Variants in JAML observed in about 807,000 individuals in gnomAD.
The protein encoded by JAML is junctional adhesion molecule-like.
In JAML, 25 loss-of-function variants were observed where a neutral mutation model predicts 39.3. The observed-to-expected ratio is 0.64, with a 90% confidence interval of 0.46 to 0.89. The LOEUF (loss-of-function observed/expected upper bound fraction) is 0.89. JAML is among the 40% of genes least tolerant of loss of function. JAML has a pLI of 0.00. For missense variants in JAML, 440 were observed against 486.9 expected (o/e 0.90, Z 0.91); for synonymous variants, 162 against 179.2 (o/e 0.90, Z 0.77).
At chr11:118,205,169 G>A (rs911888296) in intron 5 of JAML, 25 of 152,212 alleles carry the variant, frequency 1.6e-4, no homozygotes, top group African/African-American at 6.0e-4. Flanking sequence ...TTGTTAGAGA[G>A]ATGACCTGGA....
At chr11:118,205,324 A>C (rs1362661292) in intron 5 of JAML, 1 of 152,746 alleles carries the variant, frequency 6.5e-6, no homozygotes, top group Admixed American at 6.5e-5. Context: ...TGGTCTAAAG[A>C]ATAAACTTGC....
intron 4 of JAML, among the ~76,000 whole-genome samples, chr11:118,209,970 T>C (rs12286021): frequency 0.26 from 39,262 of 151,998 alleles, 6,371 homozygotes; most frequent in African/African-American, 0.46. Flanking sequence ...GCTCAGGCAG[T>C]TCTGCTGCCT....
chr11:118,197,842 TCTTA>T, intron 8 of JAML, 152 bp downstream of exon 8: 1 of 671,902 alleles, frequency 1.5e-6, no homozygotes, highest in South Asian at 1.8e-5. Flanking sequence ...CCGCAGAGGC[TCTTA>T]CTTTAGTGAC....
Position 118,198,039 on chromosome 11 carries a change from T to A in JAML, c.964A>T (p.Ile322Leu), listed in dbSNP as rs774695599. 1 of 1,614,232 alleles carries A rather than the reference T, an allele frequency of 6.2e-7. No homozygotes were observed. Among genetic ancestry groups the A allele is most frequent in the Non-Finnish European group, 8.5e-7 (1 of 1,180,018 alleles). Reference sequence around the variant, plus strand: ...TCAAAATGGCAGGGTTTTTCTTTTATCTCTGGATTAGTCTTCTTCGTGTTC... The same window carrying A: ...TCAAAATGGCAGGGTTTTTCTTTTAACTCTGGATTAGTCTTCTTCGTGTTC... ...VKNTKKTNPE[I>L]KEKPCHFERC... The change falls in exon 8 of 10, where the codon ATA becomes TTA. Residue 322 changes from isoleucine to leucine, a missense_variant. Ile to Leu is a conservative substitution (Grantham distance 5, BLOSUM62 2). Transcript: ENST00000356289.
At chr11:118,197,942 T>G in intron 8 of JAML, 56 bp downstream of exon 8, 158 of 1,512,150 alleles carry the variant, frequency 1.0e-4, no homozygotes, top group Middle Eastern at 1.7e-4. Context: ...CCCGGGGGTA[T>G]GAGAACGGCC....
At chr11:118,207,322 T>C (rs1273672441) in intron 4 of JAML, among the ~76,000 whole-genome samples, 1 of 152,186 alleles carries the variant, frequency 6.6e-6, no homozygotes, top group Non-Finnish European at 1.5e-5. Context: ...TTGAGGTTTG[T>C]ATGACTACTC....
At chr11:118,203,144 C>A in intron 6 of JAML, 1 of 573,952 alleles carries the variant, frequency 1.7e-6, no homozygotes, top group South Asian at 1.5e-5. Context: ...CAGTAGATGA[C>A]CCTGGCAATG....
At chr11:118,220,270 G>T (rs1207014829) in intron 1 of JAML, among the ~76,000 whole-genome samples, 2 of 152,150 alleles carry the variant, frequency 1.3e-5, no homozygotes. Flanking sequence ...CCGGTGCAAG[G>T]CCCCAGTGCA....
chr11:118,204,793 G>A (rs1247193698), intron 5 of JAML: 2 of 152,018 alleles, frequency 1.3e-5, no homozygotes, highest in Non-Finnish European at 1.5e-5. Flanking sequence ...CATCAGGACT[G>A]GGGCTTTAAG....
At chr11:118,214,526 T>G (rs1949115200) in intron 2 of JAML, among the ~76,000 whole-genome samples, 2 of 152,142 alleles carry the variant, frequency 1.3e-5, no homozygotes, top group African/African-American at 4.8e-5. Context: ...GATAACAATT[T>G]AAAGTGCAGG....
At position 118,210,522 on chromosome 11, in the gene JAML, G is replaced by A. The variant is rs141075893; in HGVS notation, c.389C>T (p.Ala130Val). 52 of 1,614,064 alleles carry A rather than the reference G, an allele frequency of 3.2e-5. No individual in the cohort carries two copies. The highest frequency in any genetic ancestry group is 2.1e-4 in the African/African-American group (16 of 75,016). The change falls in exon 4 of 10, where the codon GCG becomes GTG. Residue 130 changes from alanine (A) to valine (V), a missense_variant. Coordinates refer to ENST00000356289, the MANE Select transcript of JAML (RefSeq NM_001098526.2). The stretch of plus-strand genomic sequence containing the variant: ...CTCTGGAAGCACATGCAGTACCACC[G>A]CCTTCTTGAACACCTGGCTCTCCCC... ...LKGESQVFKK[A>V]VVLHVLPEEP...
intron 6 of JAML, chr11:118,203,145 C>G (rs1383763579): frequency 1.7e-6 from 1 of 576,202 alleles, no homozygotes; most frequent in Non-Finnish European, 3.3e-6. Context: ...AGTAGATGAC[C>G]CTGGCAATGA....
At chr11:118,208,747 T>G (rs889346086) in intron 4 of JAML, among the ~76,000 whole-genome samples, 1 of 152,248 alleles carries the variant, frequency 6.6e-6, no homozygotes, top group African/African-American at 2.4e-5. Context: ...CATTTATGTA[T>G]TTTTATTTGT....
intron 3 of JAML, among the ~76,000 whole-genome samples, chr11:118,211,165 C>T (rs1949052037): frequency 6.6e-6 from 1 of 152,196 alleles, no homozygotes; most frequent in Non-Finnish European, 1.5e-5. Context: ...CATTTCTACC[C>T]TCCTCCCGGC....
chr11:118,202,711 C>CTGAGGTA lies in JAML; in HGVS notation c.772+710_772+716dup, dbSNP rs543635853. ...GCCTCCACAGACTTAGGTCTCTGGC[C>CTGAGGTA]TGAGGTATGAGGTATGTTCCATCCT... On this transcript the variant is annotated intron_variant, in intron 6 of 9. Transcript: ENST00000356289. The CTGAGGTA allele has an allele frequency of 1.2e-3, 413 of 337,002 alleles. 1 individual carries two copies. The highest frequency in any genetic ancestry group is 8.4e-3 in the African/African-American group (391 of 46,498). 20.9% of individuals were successfully genotyped at this position (337,002 alleles called of 1,614,324 possible). A position where few individuals can be genotyped will look rare whatever the true frequency, so the allele number is the denominator to read the frequency against.
intron 1 of JAML, among the ~76,000 whole-genome samples, chr11:118,219,030 C>T (rs932876488): frequency 9.2e-5 from 14 of 152,120 alleles, no homozygotes; most frequent in Non-Finnish European, 1.8e-4. Context: ...TGGCAAATAC[C>T]TTCTGTCCTT....
At chr11:118,210,168 G>T (rs1187137917) in intron 4 of JAML, among the ~76,000 whole-genome samples, 7 of 152,066 alleles carry the variant, frequency 4.6e-5, no homozygotes, top group Non-Finnish European at 8.8e-5. Flanking sequence ...GAGGTGCCAG[G>T]GTTCAAGTAC....
chr11:118,209,838 C>G (rs1437295625), intron 4 of JAML, among the ~76,000 whole-genome samples: 2 of 151,818 alleles, frequency 1.3e-5, no homozygotes, highest in African/African-American at 2.4e-5. Flanking sequence ...CACACCCAGA[C>G]TTTTTCTTTT....
Position 118,212,536 on chromosome 11 carries a change from C to G in JAML, c.69G>C (p.Leu23Phe), listed in dbSNP as rs1417038278. The stretch of plus-strand genomic sequence containing the variant: ...CTGTTAGCTCAGGCGGGGAAACATT[C>G]AAGTCATTCAGGCCCAAGGAATAAT... ...LLDYSLGLND[L>F]NVSPPELTVH... is the part of the protein sequence containing the mutation. Residue 23 changes from leucine to phenylalanine, a missense_variant, in exon 3 of 10, where the codon TTG (leucine) becomes TTC (phenylalanine). Physicochemically the swap from Leu to Phe is conservative, Grantham distance 22 (BLOSUM62 0). Transcript: ENST00000356289. 2 of 1,613,996 alleles carry G rather than the reference C, an allele frequency of 1.2e-6. No individual in the cohort carries two copies. Among genetic ancestry groups the G allele is most frequent in the African/African-American group, 2.7e-5 (2 of 74,922 alleles).
Sources: gnomAD v4.1 joint callset for allele counts (sites outside exome capture counted in the v4.1 genomes callset) on GRCh38, gnomAD v4.1.1 for gene constraint, MANE v1.5 for transcripts, NCBI Gene and HGNC (gene_info 2026-07-23, HGNC 2026-07-21) for gene names.